Variants in NECTIN2 observed in about 807,000 individuals in gnomAD.
NECTIN2 encodes the protein nectin-2.
A neutral mutation model predicts 56.9 loss-of-function variants in NECTIN2; 23 were observed. That is an observed-to-expected ratio of 0.40 (90% CI 0.29 to 0.57). The LOEUF (loss-of-function observed/expected upper bound fraction) is 0.57, where lower values mean the gene tolerates loss of function less well. Among genes scored for constraint, NECTIN2 ranks in the 20% least tolerant of loss-of-function variants. The pLI is 0.38. For synonymous variants in NECTIN2, 302 were observed against 313.8 expected, an observed-to-expected ratio of 0.96 and a Z score of 0.40; for missense variants, 587 against 718.3, an observed-to-expected ratio of 0.82 and a Z score of 2.09.
chr19:44,869,995 G>A (rs1004943903), intron 2 of NECTIN2, among the ~76,000 whole-genome samples: 2 of 152,066 alleles, frequency 1.3e-5, no homozygotes, highest in Non-Finnish European at 2.9e-5. Flanking sequence ...AAGAGCTTCC[G>A]TATACACACT....
intron 5 of NECTIN2, among the ~76,000 whole-genome samples, chr19:44,881,102 CTA>C (rs1969302944): frequency 6.6e-6 from 1 of 151,628 alleles, no homozygotes; most frequent in Non-Finnish European, 1.5e-5. Context: ...AAAATTTTTT[CTA>C]GAGATGAGGT....
chr19:44,852,987 C>T (rs1411662040), intron 1 of NECTIN2, among the ~76,000 whole-genome samples: 1 of 152,000 alleles, frequency 6.6e-6, no homozygotes, highest in Admixed American at 6.6e-5. Flanking sequence ...TGGTGCCCGC[C>T]TGTAGTCCCA....
chr19:44,879,707 C>G (rs933853781), intron 5 of NECTIN2, among the ~76,000 whole-genome samples: 4 of 152,162 alleles, frequency 2.6e-5, no homozygotes, highest in African/African-American at 9.7e-5. Flanking sequence ...GTCACCTCTG[C>G]TCTCCCAAGC....
At position 44,874,350 on chromosome 19, in the gene NECTIN2, C is replaced by T; in HGVS notation, c.914C>T (p.Thr305Ile). The change falls in exon 5 of 9, where the codon ACC becomes ATC. Residue 305 changes from threonine (T) to isoleucine (I), a missense_variant. Transcript: ENST00000252483. The surrounding 1 kb of genome is among the most constrained non-coding windows in gnomAD (Gnocchi z 6.3). ...DWSTTSGTFP[T>I]SAVAQGSQLV... ...TCCAGGACCTCAGGCACCTTCCCGA[C>T]CTCCGCAGTGGCCCAGGGCTCCCAG... 1 of 1,614,180 alleles carries T rather than the reference C, an allele frequency of 6.2e-7. No individual in the cohort carries two copies. Among genetic ancestry groups the T allele is most frequent in the East Asian group, 2.2e-5 (1 of 44,876 alleles).
At chr19:44,885,313 T>C (rs71337245) in intron 6 of NECTIN2, among the ~76,000 whole-genome samples, 31,432 of 135,542 alleles carry the variant, frequency 0.23, 4,197 homozygotes, top group African/African-American at 0.34. Context: ...CTTTCTTTTT[T>C]TTTTTTTTTT....
intron 1 of NECTIN2, among the ~76,000 whole-genome samples, chr19:44,864,016 C>CCCCCA (rs1969065387): frequency 2.0e-5 from 3 of 151,458 alleles, no homozygotes; most frequent in South Asian, 4.2e-4. Context: ...GAGGATTCCC[C>CCCCCA]CCCCCCAAAA....
At position 44,887,063 on chromosome 19, in the gene NECTIN2, T is replaced by TG. The variant is rs1452605438; in HGVS notation, c.1347+844_1347+845insG. ...AGTCATTAGGTCAATGAAAATTGATTATCTGGTCAGGCATGGTGGCTCACA... is the reference window on the plus strand; with the variant it reads ...AGTCATTAGGTCAATGAAAATTGATTGATCTGGTCAGGCATGGTGGCTCACA... On this transcript the variant is annotated intron_variant, in intron 8 of 8. Coordinates refer to ENST00000252483, the MANE Select transcript of NECTIN2 (RefSeq NM_001042724.2). Among the ~76,000 whole-genome samples, 3 of 150,544 alleles carry TG rather than the reference T, an allele frequency of 2.0e-5. No homozygotes were observed. The East Asian group carries it at 5.9e-4, about 29-fold the overall frequency.
chr19:44,857,206 C>A (rs188621828), intron 1 of NECTIN2, among the ~76,000 whole-genome samples: 3 of 151,622 alleles, frequency 2.0e-5, no homozygotes, highest in Admixed American at 2.0e-4. Flanking sequence ...CCCAAATAAA[C>A]CCTTTGACTA....
chr19:44,888,680 C>G lies in NECTIN2; in HGVS notation c.*301C>G, dbSNP rs538877060. ...CTGTGACCTTAGACCATACCTCTCA[C>G]CCCCCAATGCCTCGACTCCCCCAAA... On this transcript the variant is annotated 3_prime_UTR_variant, in exon 9 of 9. Coordinates refer to ENST00000252483, the MANE Select transcript of NECTIN2 (RefSeq NM_001042724.2). The G allele has an allele frequency of 2.6e-6, 1 of 390,270 alleles. No individual in the cohort carries two copies. Among genetic ancestry groups the G allele is most frequent in the Non-Finnish European group, 4.7e-6 (1 of 212,818 alleles). 24.2% of individuals were successfully genotyped at this position (390,270 alleles called of 1,614,324 possible).
At chr19:44,871,664 C>A (rs1183322303) in intron 2 of NECTIN2, among the ~76,000 whole-genome samples, 189 bp from the exon 3 acceptor site, 2 of 152,162 alleles carry the variant, frequency 1.3e-5, no homozygotes, top group African/African-American at 4.8e-5. Flanking sequence ...CTTTCATTAT[C>A]CCCATTTTAC....
chr19:44,851,572 T>G (rs1283826319), intron 1 of NECTIN2, among the ~76,000 whole-genome samples: 2 of 152,172 alleles, frequency 1.3e-5, no homozygotes, highest in African/African-American at 4.8e-5. Context: ...TGTTCTCCCA[T>G]GGGCTCACAC....
chr19:44,859,826 A>C (rs1377310316), intron 1 of NECTIN2, among the ~76,000 whole-genome samples: 1 of 64,102 alleles, frequency 1.6e-5, no homozygotes, highest in African/African-American at 4.7e-5. Flanking sequence ...CTCCGTCTCC[A>C]AAAAAAAAAA....
chr19:44,853,385 C>T (rs916273210), intron 1 of NECTIN2, among the ~76,000 whole-genome samples: 5 of 151,756 alleles, frequency 3.3e-5, no homozygotes, highest in African/African-American at 7.3e-5. Context: ...TTAATAGAGA[C>T]GTGGTTTCAC....
chr19:44,886,545 A>AC (rs910513170), intron 8 of NECTIN2, among the ~76,000 whole-genome samples: 1 of 150,734 alleles, frequency 6.6e-6, no homozygotes, highest in African/African-American at 2.4e-5. Flanking sequence ...ACATGGTGAA[A>AC]CCCCGTCTCT....
chr19:44,886,072 G>A (rs1373580188), intron 7 of NECTIN2, 61 bp from the exon 8 acceptor site: 1 of 1,570,508 alleles, frequency 6.4e-7, no homozygotes, highest in Non-Finnish European at 8.8e-7. Flanking sequence ...GGGCCTGGCA[G>A]GGAGAAGCTG....
intron 1 of NECTIN2, among the ~76,000 whole-genome samples, chr19:44,864,013 C>CCCCCG (rs869224901): frequency 1.3e-4 from 1 of 7,998 alleles, no homozygotes; most frequent in East Asian, 0.011. Flanking sequence ...TCAGAGGATT[C>CCCCCG]CCCCCCCCCA....
intron 1 of NECTIN2, among the ~76,000 whole-genome samples, chr19:44,857,206 C>T (rs188621828): frequency 3.3e-5 from 5 of 151,536 alleles, no homozygotes; most frequent in African/African-American, 1.2e-4. Flanking sequence ...CCCAAATAAA[C>T]CCTTTGACTA....
At position 44,872,079 on chromosome 19, in the gene NECTIN2, G is replaced by C. The variant is rs572960076; in HGVS notation, c.705G>C (p.Thr235=). Residue 235 remains threonine (T), a synonymous_variant, in exon 3 of 9, where the codon ACG becomes ACC. Transcript: ENST00000252483. The part of the protein sequence containing the change: ...LVPSGRADGV[T]VTCKVEHESF... ...CCTCGGGCCGAGCAGATGGTGTCAC[G>C]GTCACCTGCAAAGTGGAGCATGAGA... is the stretch of plus-strand genomic sequence containing the variant. The C allele has an allele frequency of 6.2e-7, 1 of 1,614,146 alleles. No individual in the cohort carries two copies. Among genetic ancestry groups the C allele is most frequent in the Non-Finnish European group, 8.5e-7 (1 of 1,180,040 alleles).
rs79954154 is a variant in NECTIN2, at chr19:44,870,118, G to A, written c.479-1735G>A. On this transcript the variant is annotated intron_variant, in intron 2 of 8. Transcript: ENST00000252483. ...AGGAAAGTGCCCTTGACGAAGTGGGGCTTGGAGTGGGGTCTGGAGAAGGAG... is the reference window on the plus strand; with the variant it reads ...AGGAAAGTGCCCTTGACGAAGTGGGACTTGGAGTGGGGTCTGGAGAAGGAG... 2.0e-3 allele frequency among the ~76,000 whole-genome samples: 311 copies of A among 152,274 alleles called. 6 individuals are homozygous for A. Among genetic ancestry groups the A allele is most frequent in the East Asian group, 0.019 (98 of 5,182 alleles).
Sources: gnomAD v4.1 joint callset for allele counts (sites outside exome capture counted in the v4.1 genomes callset) on GRCh38, gnomAD v4.1.1 for gene constraint, Gnocchi (gnomAD v3.1) non-coding constraint, MANE v1.5 for transcripts, NCBI Gene and HGNC (gene_info 2026-07-23, HGNC 2026-07-21) for gene names.